The following TLK1 variants were observed in gnomAD, a reference collection of about 807,000 sequenced individuals.
TLK1 encodes the protein serine/threonine-protein kinase tousled-like 1.
Under a neutral mutation model 105.3 loss-of-function variants are expected in TLK1, and 24 were observed. The ratio of observed to expected loss-of-function variants is 0.23; its 90% CI spans 0.17 to 0.32. The LOEUF (loss-of-function observed/expected upper bound fraction) is 0.32, where lower values mean the gene tolerates loss of function less well. Among genes scored for constraint, TLK1 ranks in the 10% least tolerant of loss-of-function variants. The pLI, the probability that TLK1 is intolerant of heterozygous loss-of-function variation, is 1.00. For synonymous variants in TLK1, 321 were observed against 310.4 expected, an observed-to-expected ratio of 1.03 and a Z score of -0.36; for missense variants, 558 against 910.5, an observed-to-expected ratio of 0.61 and a Z score of 4.98.
At chr2:171,161,906 T>C (rs1692512039), upstream of TLK1, among the ~76,000 whole-genome samples, 1 of 152,196 alleles carries the variant, frequency 6.6e-6, no homozygotes, top group Admixed American at 6.5e-5. Flanking sequence ...GTTATTTCTC[T>C]CTTTAGAAAA....
At chr2:171,203,856 C>A (rs915363319) in intron 1 of TLK1, among the ~76,000 whole-genome samples, 8 of 152,078 alleles carry the variant, frequency 5.3e-5, no homozygotes, top group Non-Finnish European at 1.2e-4. Context: ...TCAAGACCAG[C>A]CTGGCCAACA....
At chr2:171,163,551 C>G (rs1692554357), upstream of TLK1, among the ~76,000 whole-genome samples, 1 of 152,176 alleles carries the variant, frequency 6.6e-6, no homozygotes, top group Admixed American at 6.5e-5. Context: ...ATTTCCTCAT[C>G]TACGAGAAAG....
intron 1 of TLK1, among the ~76,000 whole-genome samples, chr2:171,200,396 T>C (rs1693375449): frequency 6.6e-6 from 1 of 152,250 alleles, no homozygotes; most frequent in East Asian, 1.9e-4. Flanking sequence ...CTTTATCATA[T>C]GACTATCTGG....
intron 4 of TLK1, among the ~76,000 whole-genome samples, chr2:171,059,522 C>T (rs1042014877): frequency 6.6e-6 from 1 of 152,088 alleles, no homozygotes; most frequent in African/African-American, 2.4e-5. Flanking sequence ...TCAAAGATGG[C>T]CCTGATTTTT....
At chr2:171,088,930 T>C (rs980422683) in intron 2 of TLK1, among the ~76,000 whole-genome samples, 1 of 152,110 alleles carries the variant, frequency 6.6e-6, no homozygotes, top group Non-Finnish European at 1.5e-5. Flanking sequence ...GACACAAAAG[T>C]CTCCCTGATC....
Position 171,191,480 on chromosome 2 carries a change from G to C in TLK1, c.-6+39665C>G, listed in dbSNP as rs139739360. Among the ~76,000 whole-genome samples, 453 of 152,190 alleles carry C rather than the reference G, an allele frequency of 3.0e-3. 1 individual carries two copies. The highest frequency in any genetic ancestry group is 0.01 in the African/African-American group (430 of 41,522). ...TACAGTCCCAGCTACTACAGGGACT[G>C]GGGCAGTAGGATTGGTTGCGCCCAG... is the stretch of plus-strand genomic sequence containing the variant. On this transcript the variant is annotated intron_variant, in intron 1 of 20. Transcript: ENST00000521943.
intron 2 of TLK1, among the ~76,000 whole-genome samples, chr2:171,106,330 GAGC>G (rs1689922868): frequency 6.6e-6 from 1 of 152,180 alleles, no homozygotes. Flanking sequence ...ATAACTGGAA[GAGC>G]AGATTTCGAA....
intron 12 of TLK1, among the ~76,000 whole-genome samples, chr2:171,016,662 A>T (rs1329157733): frequency 6.6e-6 from 1 of 152,218 alleles, no homozygotes; most frequent in East Asian, 1.9e-4. Context: ...AAATATAAAT[A>T]TTATCATTTC....
At chr2:171,013,318 C>CTTTTTTTT (rs774923512) in intron 13 of TLK1, among the ~76,000 whole-genome samples, 7 of 74,138 alleles carry the variant, frequency 9.4e-5, no homozygotes, top group African/African-American at 3.8e-4. Context: ...TGGCCCCTCA[C>CTTTTTTTT]TTTTTTTTTT....
intron 2 of TLK1, among the ~76,000 whole-genome samples, chr2:171,116,809 A>G (rs549250295): frequency 9.2e-5 from 14 of 152,304 alleles, no homozygotes; most frequent in African/African-American, 1.9e-4. Flanking sequence ...TTTCTGCGAT[A>G]TGGAAATACA....
intron 13 of TLK1, among the ~76,000 whole-genome samples, chr2:171,013,625 G>C (rs1362366405): frequency 6.6e-6 from 1 of 152,058 alleles, no homozygotes; most frequent in Non-Finnish European, 1.5e-5. Flanking sequence ...ATTTTAATCT[G>C]ACATAATTTA....
chr2:171,159,715 G>A (rs1692378743), intron 1 of TLK1: 1 of 152,256 alleles, frequency 6.6e-6, no homozygotes, highest in African/African-American at 2.4e-5. Flanking sequence ...TTGCTCTAGG[G>A]GGCCACACAG....
chr2:171,199,569 G>A (rs1403089251), intron 1 of TLK1, among the ~76,000 whole-genome samples: 1 of 151,968 alleles, frequency 6.6e-6, no homozygotes, highest in African/African-American at 2.4e-5. Context: ...GAGCCTCTGA[G>A]CCTTGAGTCC....
At chr2:171,049,359 A>C (rs1687121398) in intron 10 of TLK1, among the ~76,000 whole-genome samples, 1 of 152,228 alleles carries the variant, frequency 6.6e-6, no homozygotes, top group Admixed American at 6.5e-5. Context: ...TTAACTGATA[A>C]ATCAGTTATT....
intron 3 of TLK1, among the ~76,000 whole-genome samples, chr2:171,073,750 ATACT>A: frequency 6.6e-6 from 1 of 152,212 alleles, no homozygotes; most frequent in East Asian, 1.9e-4. Flanking sequence ...GGTGAATTAA[ATACT>A]GTTTTCTCTT....
At chr2:171,086,629 A>AC (rs1456236834) in intron 2 of TLK1, among the ~76,000 whole-genome samples, 1,409 of 130,568 alleles carry the variant, frequency 0.011, 20 homozygotes, top group African/African-American at 0.042. Context: ...CCGTCTCAAA[A>AC]AAAACAAACA....
At chr2:171,045,592 T>C in intron 11 of TLK1, 1 of 152,208 alleles carries the variant, frequency 6.6e-6, no homozygotes, top group Non-Finnish European at 1.5e-5. Flanking sequence ...TACATCTGTA[T>C]ATTGAAATTT....
In TLK1 at chr2:171,056,551, C is replaced by A; in HGVS notation, c.469G>T (p.Gly157Cys). ...GGTATGCCTCTTACTGGACTTGAGC[C>A]ATTTCCACCCTGGTACTGAGTAAAA... ...SDYFEYQGGN[G>C]SSPVRGIPPA... Residue 157 changes from glycine (G) to cysteine (C), a missense_variant, in exon 6 of 21, where the codon GGC becomes TGC. Physicochemically the swap from Gly to Cys is radical, Grantham distance 159 (BLOSUM62 -3). Around this residue, in one of 5 missense-constraint regions of TLK1, gnomAD observed 196 missense variants for 239.3 expected, o/e 0.82. Transcript: ENST00000431350. 6.2e-7 allele frequency: 1 copy of A among 1,612,168 alleles called. No individual in the cohort carries two copies.
At chr2:171,023,414 T>TACAC (rs140384482) in intron 12 of TLK1, among the ~76,000 whole-genome samples, 6,846 of 147,584 alleles carry the variant, frequency 0.046, 338 homozygotes, top group South Asian at 0.15. Context: ...CACTCACACA[T>TACAC]ACACACACAC....
Sources: gnomAD v4.1 joint callset for allele counts (sites outside exome capture counted in the v4.1 genomes callset) on GRCh38, gnomAD v4.1.1 for gene constraint, gnomAD v4.1.1 regional missense constraint, MANE v1.5 for transcripts, NCBI Gene and HGNC (gene_info 2026-07-23, HGNC 2026-07-21) for gene names.